Variants in ME3 observed in about 807,000 individuals in gnomAD.
The protein encoded by ME3 is malic enzyme 3, also known as NADP-dependent malic enzyme, mitochondrial.
Under a neutral mutation model 68.9 loss-of-function variants are expected in ME3, and 48 were observed. That is an observed-to-expected ratio of 0.70 (90% CI 0.55 to 0.89). ME3 has a LOEUF of 0.89. ME3 is among the 40% of genes least tolerant of loss of function. The pLI, the probability that ME3 is intolerant of heterozygous loss-of-function variation, is 0.00. For synonymous variants in ME3, 320 were observed against 318.8 expected (o/e 1.00, Z -0.04); for missense variants, 675 against 797.4 (o/e 0.85, Z 1.85).
intron 2 of ME3, among the ~76,000 whole-genome samples, chr11:86,625,597 A>G (rs954385351): frequency 2.6e-5 from 4 of 152,180 alleles, no homozygotes; most frequent in Admixed American, 2.6e-4. Flanking sequence ...TCAACCATGC[A>G]ATAAATATTT....
intron 2 of ME3, among the ~76,000 whole-genome samples, chr11:86,608,978 G>A (rs12274942): frequency 0.4 from 60,667 of 151,768 alleles, 12,736 homozygotes; most frequent in East Asian, 0.71. Context: ...GAGCTCTTAT[G>A]TGTCAGGCAC....
chr11:86,443,626 T>G (rs1413801614), intron 13 of ME3, among the ~76,000 whole-genome samples: 1 of 152,198 alleles, frequency 6.6e-6, no homozygotes, highest in African/African-American at 2.4e-5. Flanking sequence ...CCACTGAGGC[T>G]TCTGGTGTTA....
At chr11:86,516,212 C>T (rs1489250735) in intron 4 of ME3, among the ~76,000 whole-genome samples, 1 of 152,114 alleles carries the variant, frequency 6.6e-6, no homozygotes, top group Non-Finnish European at 1.5e-5. Flanking sequence ...TTCAGGGAAT[C>T]AATTTTGGAA....
intron 7 of ME3, among the ~76,000 whole-genome samples, chr11:86,483,032 C>T (rs534291067): frequency 6.6e-6 from 1 of 152,334 alleles, no homozygotes; most frequent in South Asian, 2.1e-4. Flanking sequence ...GGCAAGTGAA[C>T]AGTCTTGGAA....
chr11:86,612,641 A>T (rs577579426), intron 2 of ME3, among the ~76,000 whole-genome samples: 9 of 152,154 alleles, frequency 5.9e-5, no homozygotes, highest in African/African-American at 2.2e-4. Context: ...TGTGGTTTTG[A>T]TTTACATTTC....
intron 2 of ME3, among the ~76,000 whole-genome samples, chr11:86,619,056 G>A (rs188641037): frequency 2.0e-4 from 30 of 152,154 alleles, no homozygotes; most frequent in African/African-American, 6.3e-4. Context: ...CCCCCAACCC[G>A]CCATTGCTCT....
At chr11:86,614,316 T>A (rs1412952762) in intron 2 of ME3, among the ~76,000 whole-genome samples, 1 of 152,228 alleles carries the variant, frequency 6.6e-6, no homozygotes, top group African/African-American at 2.4e-5. Context: ...CAAAGCACTT[T>A]AAGATTGTAT....
chr11:86,527,053 G>C (rs1240116409), intron 4 of ME3, among the ~76,000 whole-genome samples: 2 of 152,134 alleles, frequency 1.3e-5, no homozygotes, highest in African/African-American at 4.8e-5. Flanking sequence ...GGCTTCAGAT[G>C]ATCAAACTAC....
intron 2 of ME3, among the ~76,000 whole-genome samples, chr11:86,670,966 G>A (rs1946895307): frequency 1.3e-5 from 2 of 152,274 alleles, no homozygotes; most frequent in South Asian, 4.1e-4. Context: ...GAGGTAGGGG[G>A]AGACAGGACT....
intron 4 of ME3, among the ~76,000 whole-genome samples, chr11:86,515,447 T>TA (rs1260485614): frequency 6.6e-6 from 1 of 152,216 alleles, no homozygotes; most frequent in African/African-American, 2.4e-5. Flanking sequence ...ATGGCCCCTA[T>TA]AGGTGTGTGA....
chr11:86,528,614 C>A (rs1303197536), intron 4 of ME3, among the ~76,000 whole-genome samples: 1 of 152,104 alleles, frequency 6.6e-6, no homozygotes, highest in Non-Finnish European at 1.5e-5. Flanking sequence ...AAGTAAAGCA[C>A]TCCTCAGCAA....
chr11:86,488,027 A>T (rs1290021749), intron 6 of ME3, among the ~76,000 whole-genome samples: 1 of 152,150 alleles, frequency 6.6e-6, no homozygotes, highest in Non-Finnish European at 1.5e-5. Flanking sequence ...AAAATTTTTA[A>T]AAATTAGCTG....
chr11:86,621,282 C>G (rs1414964169), intron 2 of ME3, among the ~76,000 whole-genome samples: 1 of 152,158 alleles, frequency 6.6e-6, no homozygotes, highest in African/African-American at 2.4e-5. Flanking sequence ...CAATCCAGGC[C>G]TAAGGCCAGT....
At chr11:86,483,079 C>G (rs1248007105) in intron 7 of ME3, among the ~76,000 whole-genome samples, 1 of 152,236 alleles carries the variant, frequency 6.6e-6, no homozygotes, top group African/African-American at 2.4e-5. Flanking sequence ...CTTTGGTGCT[C>G]TGCTCTGCAC....
intron 4 of ME3, among the ~76,000 whole-genome samples, chr11:86,527,487 A>G (rs184216864): frequency 6.6e-6 from 1 of 152,368 alleles, no homozygotes; most frequent in Admixed American, 6.5e-5. Flanking sequence ...CAGGAAGGTC[A>G]ACATTCAAAT....
At chr11:86,497,927 T>C (rs753514431) in intron 6 of ME3, 36 bp downstream of exon 6, 1 of 1,544,110 alleles carries the variant, frequency 6.5e-7, no homozygotes, top group Non-Finnish European at 8.8e-7. Flanking sequence ...TTGCCACCTT[T>C]TGGCCCCAGA....
At chr11:86,647,434 G>A (rs565999620) in intron 2 of ME3, among the ~76,000 whole-genome samples, 11 of 150,766 alleles carry the variant, frequency 7.3e-5, no homozygotes, top group Admixed American at 2.0e-4. Context: ...GCAGTGAGCC[G>A]ACATCATGCC....
At chr11:86,607,712 AATAT>A (rs10539253) in intron 2 of ME3, among the ~76,000 whole-genome samples, 64,854 of 147,552 alleles carry the variant, frequency 0.44, 14,679 homozygotes, top group East Asian at 0.71. Flanking sequence ...TTTTAAAAGA[AATAT>A]ATATATATAT....
At chr11:86,488,214 A>G (rs909419546) in intron 6 of ME3, among the ~76,000 whole-genome samples, 6 of 152,198 alleles carry the variant, frequency 3.9e-5, no homozygotes, top group African/African-American at 7.2e-5. Flanking sequence ...GTCTTGAGAC[A>G]TTGCCAAAGG....
Sources: allele counts gnomAD v4.1 joint callset (sites outside exome capture counted in the v4.1 genomes callset), GRCh38; gene constraint gnomAD v4.1.1; transcripts MANE v1.5; gene names NCBI Gene and HGNC (gene_info 2026-07-23, HGNC 2026-07-21).